MSANTD5: variants seen among roughly 807,000 people sequenced by gnomAD.
MSANTD5 encodes the protein Myb/SANT DNA binding domain containing 5, also known as uncharacterized protein MSANTD5.
At chr5:178,701,776 GCT>G (rs1765487052), upstream of MSANTD5, among the ~76,000 whole-genome samples, 1 of 147,940 alleles carries the variant, frequency 6.8e-6, no homozygotes, top group Admixed American at 6.7e-5. Flanking sequence ...ATGGAGTTTT[GCT>G]CTTTTTGTCC....
downstream of MSANTD5, among the ~76,000 whole-genome samples, chr5:178,692,799 G>A (rs751570215): frequency 1.3e-5 from 2 of 151,868 alleles, no homozygotes; most frequent in African/African-American, 2.4e-5. Context: ...CGGGAGGGAC[G>A]TGCATGTCCC....
At chr5:178,694,345 A>G (rs1343499743), downstream of MSANTD5, among the ~76,000 whole-genome samples, 1 of 149,194 alleles carries the variant, frequency 6.7e-6, no homozygotes, top group Non-Finnish European at 1.5e-5. Context: ...AAAAGATTCT[A>G]TGATCACACA....
chr5:178,697,182 A>G (rs1765421182), intron 1 of MSANTD5, among the ~76,000 whole-genome samples: 1 of 152,052 alleles, frequency 6.6e-6, no homozygotes, highest in South Asian at 2.1e-4. Context: ...TTAGAGGATA[A>G]GGTGGCTCAC....
intron 3 of MSANTD5, 98 bp from the exon 4 acceptor site, chr5:178,695,045 A>C (rs1340411243): frequency 6.6e-6 from 1 of 152,292 alleles, no homozygotes; most frequent in Non-Finnish European, 1.5e-5. Context: ...GGCCATGTCC[A>C]TTCTGAACAA....
At chr5:178,692,557 G>C (rs1352903029), downstream of MSANTD5, among the ~76,000 whole-genome samples, 2 of 151,874 alleles carry the variant, frequency 1.3e-5, no homozygotes, top group Non-Finnish European at 2.9e-5. Flanking sequence ...CTGGGCGAAG[G>C]GTTCAACAGC....
the MSANTD5 span, among the ~76,000 whole-genome samples, chr5:178,705,331 C>A: frequency 2.0e-5 from 3 of 152,082 alleles, no homozygotes; most frequent in African/African-American, 7.2e-5. Flanking sequence ...CAGGCATGAG[C>A]CACCACGCCC....
At chr5:178,697,451 C>T (rs994134579) in intron 1 of MSANTD5, 135 bp downstream of exon 1, 1 of 152,098 alleles carries the variant, frequency 6.6e-6, no homozygotes, top group African/African-American at 2.4e-5. Context: ...GAGACTCCGT[C>T]TCAAAAATAT....
upstream of MSANTD5, among the ~76,000 whole-genome samples, chr5:178,702,064 G>T (rs576317267): frequency 9.5e-5 from 14 of 147,724 alleles, no homozygotes; most frequent in South Asian, 1.5e-3. Context: ...AAATTGCAAA[G>T]AACTTCCCTG....
downstream of MSANTD5, among the ~76,000 whole-genome samples, chr5:178,693,777 C>G (rs1304722662): frequency 6.6e-6 from 1 of 151,856 alleles, no homozygotes; most frequent in Non-Finnish European, 1.5e-5. Flanking sequence ...TTACAATCCT[C>G]TAGCTAGACA....
chr5:178,691,835 G>T (rs1765360150), downstream of MSANTD5, among the ~76,000 whole-genome samples: 1 of 136,244 alleles, frequency 7.3e-6, no homozygotes, highest in Non-Finnish European at 1.7e-5. Flanking sequence ...GAAGCCATAA[G>T]TAGATATCAC....
chr5:178,694,768 G>T (rs1287297054), exon 4 of MSANTD5: 1 of 152,224 alleles, frequency 6.6e-6, no homozygotes, highest in African/African-American at 2.4e-5. Context: ...GGCAAAGCAG[G>T]ATACATATAT....
the MSANTD5 span, among the ~76,000 whole-genome samples, chr5:178,705,298 G>C: frequency 3.9e-5 from 6 of 151,950 alleles, no homozygotes; most frequent in East Asian, 1.2e-3. Flanking sequence ...TGCCCGCCTC[G>C]GTCTCCCAAA....
the MSANTD5 span, among the ~76,000 whole-genome samples, chr5:178,702,731 G>A: frequency 2.0e-5 from 3 of 151,676 alleles, no homozygotes; most frequent in African/African-American, 7.3e-5. Flanking sequence ...CCGAGTAGCT[G>A]GGATTACAGG....
downstream of MSANTD5, among the ~76,000 whole-genome samples, chr5:178,693,181 C>T (rs1473134038): frequency 2.0e-5 from 3 of 151,874 alleles, no homozygotes; most frequent in African/African-American, 4.9e-5. Context: ...GACATGGTGG[C>T]GCACGCCTGT....
At chr5:178,695,680 C>T (rs1765405117) in intron 2 of MSANTD5, 82 bp from the exon 3 acceptor site, 2 of 152,126 alleles carry the variant, frequency 1.3e-5, no homozygotes, top group Admixed American at 1.3e-4. Flanking sequence ...TGGACAGGTC[C>T]AAACTTGACT....
At chr5:178,693,161 A>T (rs1765374037), downstream of MSANTD5, among the ~76,000 whole-genome samples, 1 of 151,846 alleles carries the variant, frequency 6.6e-6, no homozygotes, top group African/African-American at 2.4e-5. Flanking sequence ...AAATACAAAA[A>T]AATTAACCAG....
At chr5:178,702,187 G>A (rs746434366), upstream of MSANTD5, among the ~76,000 whole-genome samples, 7 of 151,934 alleles carry the variant, frequency 4.6e-5, no homozygotes, top group Admixed American at 1.3e-4. Context: ...AGTCTTTTCA[G>A]GTTCCCTAGT....
chr5:178,692,669 A>C (rs1347480060), downstream of MSANTD5, among the ~76,000 whole-genome samples: 1 of 152,074 alleles, frequency 6.6e-6, no homozygotes, highest in African/African-American at 2.4e-5. Flanking sequence ...TAACTGAAAA[A>C]AGCTATTCCC....
chr5:178,699,937 T>TCTAAGGGGGACCCTGTTTA (rs58269048), upstream of MSANTD5, among the ~76,000 whole-genome samples: 1 of 146,788 alleles, frequency 6.8e-6, no homozygotes, highest in African/African-American at 2.5e-5. Context: ...TTCTGTGGCT[T>TCTAAGGGGGACCCTGTTTA]TCCAGCACAG....
Sources: allele counts gnomAD v4.1 joint callset (sites outside exome capture counted in the v4.1 genomes callset), GRCh38; gene constraint gnomAD v4.1.1; transcripts MANE v1.5; gene names NCBI Gene and HGNC (gene_info 2026-07-23, HGNC 2026-07-21).